CADM2: variants seen among roughly 807,000 people sequenced by gnomAD.
CADM2 encodes the protein immunoglobulin superfamily member 4D.
In CADM2, 12 loss-of-function variants were observed where a neutral mutation model predicts 49.8. The observed-to-expected ratio is 0.24, with a 90% CI of 0.15 to 0.39. CADM2 has a LOEUF of 0.39. CADM2 is among the 10% of genes least tolerant of loss of function. CADM2 has a pLI of 1.00. For synonymous variants in CADM2, 214 were observed against 175.4 expected, an observed-to-expected ratio of 1.22 and a Z score of -1.74; for missense variants, 378 against 492.3, an observed-to-expected ratio of 0.77 and a Z score of 2.20.
intron 1 of CADM2, among the ~76,000 whole-genome samples, chr3:85,449,687 TG>T (rs1187781236): frequency 1.4e-4 from 21 of 152,218 alleles, no homozygotes; most frequent in Non-Finnish European, 2.4e-4. Flanking sequence ...TTAAAGTAAA[TG>T]TGGAAAACAG....
chr3:85,084,962 T>C (rs559109442), intron 1 of CADM2, among the ~76,000 whole-genome samples: 1 of 152,282 alleles, frequency 6.6e-6, no homozygotes, highest in Non-Finnish European at 1.5e-5. Flanking sequence ...ATAGAAATTA[T>C]ATACAGTTAT....
chr3:85,977,934 T>G (rs922834276), intron 8 of CADM2, among the ~76,000 whole-genome samples: 6 of 151,398 alleles, frequency 4.0e-5, no homozygotes, highest in African/African-American at 1.5e-4. Context: ...ACAGAGTGAG[T>G]AGGGCTATTT....
intron 1 of CADM2, among the ~76,000 whole-genome samples, chr3:85,227,923 G>T (rs2042197631): frequency 6.6e-6 from 1 of 152,084 alleles, no homozygotes; most frequent in South Asian, 2.1e-4. Context: ...ATGAAATTCT[G>T]GGTTGAAAAT....
chr3:86,020,048 G>A (rs1417318069), intron 8 of CADM2, among the ~76,000 whole-genome samples: 1 of 152,124 alleles, frequency 6.6e-6, no homozygotes, highest in Non-Finnish European at 1.5e-5. Context: ...TAATCCAGGA[G>A]CTGGTTTTTT....
chr3:85,221,761 A>C (rs185065674), intron 1 of CADM2, among the ~76,000 whole-genome samples: 7 of 152,334 alleles, frequency 4.6e-5, no homozygotes, highest in African/African-American at 1.7e-4. Flanking sequence ...ATCTGTCCTC[A>C]GTCTCAAGTG....
intron 1 of CADM2, among the ~76,000 whole-genome samples, chr3:85,343,916 A>G (rs1206199139): frequency 2.6e-5 from 4 of 152,220 alleles, no homozygotes; most frequent in Admixed American, 2.6e-4. Flanking sequence ...CTGAGAAGGC[A>G]CTGTGTGTTC....
At chr3:85,453,775 A>G (rs1430599597) in intron 1 of CADM2, among the ~76,000 whole-genome samples, 1 of 152,212 alleles carries the variant, frequency 6.6e-6, no homozygotes, top group Non-Finnish European at 1.5e-5. Flanking sequence ...ACTATGTTAA[A>G]GAGATTCAAA....
intron 1 of CADM2, among the ~76,000 whole-genome samples, chr3:85,685,468 C>A (rs2066174547): frequency 6.6e-6 from 1 of 152,038 alleles, no homozygotes; most frequent in Non-Finnish European, 1.5e-5. Context: ...TGTGTGGGGG[C>A]AGAAGTTATG....
chr3:86,059,731 T>C (rs1341744107), intron 8 of CADM2, among the ~76,000 whole-genome samples: 1 of 152,166 alleles, frequency 6.6e-6, no homozygotes, highest in Non-Finnish European at 1.5e-5. Context: ...TGAGAGGAAA[T>C]ATGAGAAATT....
At chr3:85,135,777 C>T (rs908603369) in intron 1 of CADM2, among the ~76,000 whole-genome samples, 10 of 151,978 alleles carry the variant, frequency 6.6e-5, no homozygotes, top group African/African-American at 2.2e-4. Context: ...TTAATTTATA[C>T]ATCCAGTTGT....
chr3:85,510,932 A>C (rs2106836666), intron 1 of CADM2, among the ~76,000 whole-genome samples: 1 of 152,270 alleles, frequency 6.6e-6, no homozygotes. Flanking sequence ...AGTTTCCAAT[A>C]TCCAATACAA....
chr3:85,973,343 A>G (rs539418082), intron 8 of CADM2, among the ~76,000 whole-genome samples: 2 of 151,866 alleles, frequency 1.3e-5, no homozygotes, highest in Admixed American at 1.3e-4. Context: ...TAGCCACTGC[A>G]TTCCAGCCTG....
chr3:85,442,338 A>G (rs1321260834), intron 1 of CADM2, among the ~76,000 whole-genome samples: 3 of 151,898 alleles, frequency 2.0e-5, no homozygotes, highest in Non-Finnish European at 2.9e-5. Context: ...AATAATTTAC[A>G]CAAATGTATA....
chr3:85,610,794 T>A (rs963163838), intron 1 of CADM2, among the ~76,000 whole-genome samples: 4 of 151,984 alleles, frequency 2.6e-5, no homozygotes, highest in African/African-American at 9.6e-5. Context: ...AATTACAATA[T>A]AATTAATGTA....
intron 1 of CADM2, among the ~76,000 whole-genome samples, chr3:85,483,538 G>C (rs2039297448): frequency 6.6e-6 from 1 of 150,494 alleles, no homozygotes; most frequent in South Asian, 2.1e-4. Flanking sequence ...TGGTGCTTCA[G>C]GTACAGATAC....
intron 7 of CADM2, among the ~76,000 whole-genome samples, chr3:85,940,164 CAAAAAAAA>C (rs10527231): frequency 2.3e-4 from 12 of 52,170 alleles, no homozygotes; most frequent in Admixed American, 8.3e-4. Flanking sequence ...ACTAAAAATA[CAAAAAAAA>C]AAAAAAAAAA....
At chr3:85,918,406 G>C (rs1718664813) in intron 6 of CADM2, among the ~76,000 whole-genome samples, 1 of 152,170 alleles carries the variant, frequency 6.6e-6, no homozygotes, top group African/African-American at 2.4e-5. Context: ...CATCTATTGA[G>C]ATAATCATGT....
intron 1 of CADM2, among the ~76,000 whole-genome samples, chr3:85,547,679 C>A (rs184454806): frequency 6.6e-6 from 1 of 152,216 alleles, no homozygotes; most frequent in East Asian, 1.9e-4. Flanking sequence ...TAGAAACAAC[C>A]AACCCTATGT....
intron 1 of CADM2, among the ~76,000 whole-genome samples, chr3:85,290,231 C>A (rs904373015): frequency 6.6e-6 from 1 of 152,158 alleles, no homozygotes. Flanking sequence ...CTTTTCCGAT[C>A]GGCTTAAAAA....
Sources: allele counts gnomAD v4.1 joint callset (sites outside exome capture counted in the v4.1 genomes callset), GRCh38; gene constraint gnomAD v4.1.1; transcripts MANE v1.5; gene names NCBI Gene and HGNC (gene_info 2026-07-23, HGNC 2026-07-21).